Variants in PTPN23 observed in about 807,000 individuals in gnomAD.
PTPN23 encodes the protein tyrosine-protein phosphatase non-receptor type 23.
PTPN23 carries 72 observed loss-of-function variants against 156.3 expected under a neutral mutation model. The observed-to-expected ratio is 0.46, with a 90% CI of 0.38 to 0.56. The LOEUF is 0.56. PTPN23 is among the 20% of genes least tolerant of loss of function. PTPN23 has a pLI of 0.00. For synonymous variants in PTPN23, 957 were observed against 899.6 expected, an observed-to-expected ratio of 1.06 and a Z score of -1.14; for missense variants, 1,974 against 2,171.5, an observed-to-expected ratio of 0.91 and a Z score of 1.81.
chr3:47,381,141 G>A lies in PTPN23; in HGVS notation c.45G>A (p.Lys15=). 1 of 1,593,412 alleles carries A rather than the reference G, an allele frequency of 6.3e-7. No homozygotes were observed. ...PRMPMIWLDL[K]EAGDFHFQPA... Reference sequence around the variant, plus strand: ...TGCCCATGATCTGGCTGGACCTGAAGGAGGCCGGTGACTTTCACTTCCAGC... The same window carrying A: ...TGCCCATGATCTGGCTGGACCTGAAAGAGGCCGGTGACTTTCACTTCCAGC... The change falls in exon 1 of 25, where the codon AAG becomes AAA. Residue 15 remains lysine, a synonymous_variant. Transcript: ENST00000265562.
intron 1 of PTPN23, among the ~76,000 whole-genome samples, chr3:47,387,570 CAAAAA>C (rs10548678): frequency 3.0e-5 from 4 of 135,538 alleles, no homozygotes; most frequent in Non-Finnish European, 3.1e-5. Context: ...GACCCTGTCT[CAAAAA>C]AAAAAAAAAA....
chr3:47,409,263 C>T lies in PTPN23; in HGVS notation c.1743C>T (p.Ile581=). 1.9e-6 allele frequency: 3 copies of T among 1,614,140 alleles called. No individual in the cohort carries two copies. Among genetic ancestry groups the T allele is most frequent in the Non-Finnish European group, 2.5e-6 (3 of 1,180,044 alleles). ...VSLEQQLREL[I]QKDDITASLV... The stretch of plus-strand genomic sequence containing the variant: ...TGGAGCAGCAGCTGCGTGAGCTTAT[C>T]CAGAAAGATGACATCACTGCCTCGC... The change falls in exon 17 of 25, where the codon ATC becomes ATT. Residue 581 remains isoleucine, a synonymous_variant. Transcript: ENST00000265562.
At chr3:47,398,897 G>A (rs2107706023) in intron 2 of PTPN23, among the ~76,000 whole-genome samples, 1 of 152,338 alleles carries the variant, frequency 6.6e-6, no homozygotes, top group Middle Eastern at 3.4e-3. Flanking sequence ...GGTCTTTTCT[G>A]AGCCTGTACC....
chr3:47,406,002 G>A lies in PTPN23; in HGVS notation c.502G>A (p.Asp168Asn). ...GCACTTCCCTCAAGCCTACAGCGTC[G>A]ACATGAGCCGCCAGATCCTTACGCT... ...REHFPQAYSV[D>N]MSRQILTLNV... is the part of the protein sequence containing the mutation. The change falls in exon 6 of 25, where the codon GAC becomes AAC. Residue 168 changes from aspartate (D) to asparagine (N), a missense_variant. Asp to Asn is a conservative substitution (Grantham distance 23). This residue lies in a region of PTPN23 where 726 missense variants were observed against 929.5 expected (regional missense o/e 0.78). Transcript: ENST00000265562. The surrounding 1 kb of genome is among the most constrained non-coding windows in gnomAD (Gnocchi z 5.8). The A allele has an allele frequency of 1.2e-6, 2 of 1,613,622 alleles. No homozygotes were observed. The highest frequency in any genetic ancestry group is 1.7e-6 in the Non-Finnish European group (2 of 1,179,914).
rs143551775 is a variant in PTPN23, at chr3:47,413,105, G to A, written c.4831G>A (p.Gly1611Arg). 1.1e-5 allele frequency: 17 copies of A among 1,612,780 alleles called. No individual in the cohort carries two copies. Among genetic ancestry groups the A allele is most frequent in the African/African-American group, 1.3e-5 (1 of 74,936 alleles). ...GCATAACTTTCTGCAGGCCCATAAC[G>A]GGCAAGGGCTGCGGGCCACCCGGCC... ...SKHNFLQAHNGQGLRATRPSD... is the reference protein window; with the variant it reads ...SKHNFLQAHNRQGLRATRPSD... The change falls in exon 25 of 25, where the codon GGG (glycine) becomes AGG (arginine). Residue 1611 changes from glycine (G) to arginine (R), a missense_variant. Around this residue, in one of 4 missense-constraint regions of PTPN23, gnomAD observed 484 missense variants for 516.0 expected, o/e 0.94. Transcript: ENST00000265562.
Position 47,405,542 on chromosome 3 carries a change from C to T in PTPN23, c.365-207C>T, listed in dbSNP as rs891338590. 6.7e-6 allele frequency: 4 copies of T among 600,148 alleles called. No individual in the cohort carries two copies. Among genetic ancestry groups the T allele is most frequent in the Non-Finnish European group, 1.2e-5 (4 of 342,002 alleles). The allele number at this position is 600,148 out of a possible 1,614,324, so 37.2% of individuals were successfully genotyped here. ...CCCCTTGGACAGGAGCCCTTCCATC[C>T]TCTGCCAAATGCAGAGCAGGAGACT... On this transcript the variant is annotated intron_variant, in intron 4 of 24. Transcript: ENST00000265562. The surrounding 1 kb of genome is among the most constrained non-coding windows in gnomAD (Gnocchi z 4.7).
At position 47,404,657 on chromosome 3, in the gene PTPN23, T is replaced by A. The variant is rs765405144; in HGVS notation, c.165T>A (p.Ala55=). 70 of 1,613,688 alleles carry A rather than the reference T, an allele frequency of 4.3e-5. No individual in the cohort carries two copies. The highest frequency in any genetic ancestry group is 5.9e-5 in the Non-Finnish European group (70 of 1,179,768). ...TCTCCCATCCTGCCCCCCAGAATGC[T>A]GTCCGTGTCCCACGAGACTTTGAGG... ...LKKLELLRQN[A]VRVPRDFEGC... The change falls in exon 3 of 25, where the codon GCT becomes GCA. Residue 55 remains alanine, a synonymous_variant. Transcript: ENST00000265562.
At chr3:47,381,302 G>C in intron 1 of PTPN23, 122 bp downstream of exon 1, 1 of 1,369,126 alleles carries the variant, frequency 7.3e-7, no homozygotes, top group South Asian at 1.4e-5. Flanking sequence ...GTGAGGCCAG[G>C]AGGGGCCTTC....
intron 2 of PTPN23, among the ~76,000 whole-genome samples, chr3:47,403,200 C>T (rs183440700): frequency 6.6e-6 from 1 of 152,016 alleles, no homozygotes; most frequent in Non-Finnish European, 1.5e-5. Context: ...CTACAGGTGC[C>T]TGCCACCACG....
At chr3:47,412,066 C>A (rs1337006474) in intron 21 of PTPN23, 28 bp from the exon 22 acceptor site, 13 of 1,612,072 alleles carry the variant, frequency 8.1e-6, no homozygotes, top group Non-Finnish European at 1.0e-5. Context: ...GGCTCATAGG[C>A]TCTTCCTGGC....
chr3:47,409,508 T>C lies in PTPN23; in HGVS notation c.1889T>C (p.Leu630Pro). The C allele has an allele frequency of 6.2e-7, 1 of 1,614,098 alleles. No homozygotes were observed. Among genetic ancestry groups the C allele is most frequent in the Non-Finnish European group, 8.5e-7 (1 of 1,179,978 alleles). ...GCCCAGGACCGTGTCCTCTGTGCAC[T>C]GACAGAGGCCAACGTGCAGTACGCA... ...LAAQDRVLCA[L>P]TEANVQYAAV... The change falls in exon 18 of 25, where the codon CTG (leucine) becomes CCG (proline). Residue 630 changes from leucine (L) to proline (P), a missense_variant. Coordinates refer to ENST00000265562, the MANE Select transcript of PTPN23 (RefSeq NM_015466.4).
chr3:47,397,340 C>T (rs1704899988), intron 2 of PTPN23, among the ~76,000 whole-genome samples: 2 of 152,222 alleles, frequency 1.3e-5, no homozygotes, highest in Admixed American at 6.5e-5. Flanking sequence ...CACAAACCTT[C>T]AGTCTGTAAA....
At chr3:47,408,587 C>T (rs571553291) in intron 15 of PTPN23, 97 bp downstream of exon 15, 2 of 1,500,254 alleles carry the variant, frequency 1.3e-6, no homozygotes, top group African/African-American at 1.4e-5. Flanking sequence ...GAGGCTGCAC[C>T]CCTCTAGGCC....
rs1705345389 is a variant in PTPN23 at position 47,412,610 on chromosome 3, G to A, written c.4414G>A (p.Ala1472Thr). 1.2e-6 allele frequency: 2 copies of A among 1,613,352 alleles called. No individual in the cohort carries two copies. Among genetic ancestry groups the A allele is most frequent in the African/African-American group, 1.3e-5 (1 of 74,916 alleles). Residue 1472 changes from alanine to threonine, a missense_variant, in exon 24 of 25, where the codon GCA becomes ACA. Around this residue, in one of 4 missense-constraint regions of PTPN23, gnomAD observed 484 missense variants for 516.0 expected, o/e 0.94. Transcript: ENST00000265562. ...TCCTCCATGCAAACCCTTGGCCAGT[G>A]CAAGCATCAGCCAGAAGGTGAGGAA... Reference protein sequence around the residue: ...VPPPCKPLASASISQKNHLPQ... With the variant: ...VPPPCKPLASTSISQKNHLPQ...
Position 47,407,247 on chromosome 3 carries a change from G to A in PTPN23, c.864+61G>A. ...TAGGAGCAAGCCCGGTAGGACTGAGGGGGTGTCCTGGTGCCAGCCTTGGTT... is the reference window on the plus strand; with the variant it reads ...TAGGAGCAAGCCCGGTAGGACTGAGAGGGTGTCCTGGTGCCAGCCTTGGTT... On this transcript the variant is annotated intron_variant, in intron 10 of 24. Coordinates refer to ENST00000265562, the MANE Select transcript of PTPN23 (RefSeq NM_015466.4). This position sits in a 1 kb window ranked among gnomAD's most constrained non-coding sequence, Gnocchi z 4.0. 6.2e-7 allele frequency: 1 copy of A among 1,613,460 alleles called. No homozygotes were observed. Among genetic ancestry groups the A allele is most frequent in the Non-Finnish European group, 8.5e-7 (1 of 1,179,502 alleles).
In PTPN23 at chr3:47,406,450, C is replaced by T. The variant is rs764013650; in HGVS notation, c.628-31C>T. ...GAGGCCTTCACTTTACTGCTGACTC[C>T]CCCACTCATTGGGCCCCACCCTGTT... On this transcript the variant is annotated intron_variant, in intron 7 of 24. Transcript: ENST00000265562. This position sits in a 1 kb window ranked among gnomAD's most constrained non-coding sequence, Gnocchi z 5.8. 2.5e-6 allele frequency: 4 copies of T among 1,613,868 alleles called. No homozygotes were observed. Among genetic ancestry groups the T allele is most frequent in the Non-Finnish European group, 3.4e-6 (4 of 1,179,960 alleles).
rs1705110065 is a variant in PTPN23, at chr3:47,405,892, G to A, written c.415-23G>A. 15 of 1,611,710 alleles carry A rather than the reference G, an allele frequency of 9.3e-6. No individual in the cohort carries two copies. The East Asian group carries it at 3.1e-4, about 34-fold the overall frequency. ...ATCCTGACCCATGGAGTGGACACAG[G>A]CCATCCTCCCACTCCCTCCCAGGGC... is the stretch of plus-strand genomic sequence containing the variant. On this transcript the variant is annotated intron_variant, in intron 5 of 24. Coordinates refer to ENST00000265562, the MANE Select transcript of PTPN23 (RefSeq NM_015466.4). The surrounding 1 kb of genome is among the most constrained non-coding windows in gnomAD (Gnocchi z 4.7).
intron 1 of PTPN23, among the ~76,000 whole-genome samples, chr3:47,381,831 A>G (rs1022376400): frequency 5.9e-5 from 9 of 152,206 alleles, no homozygotes; most frequent in Non-Finnish European, 1.0e-4. Flanking sequence ...ACAGTGTTGT[A>G]GAGCTCAGAG....
Position 47,411,399 on chromosome 3 carries a change from G to A in PTPN23, c.3601G>A (p.Ala1201Thr), listed in dbSNP as rs777560060. Residue 1201 changes from alanine to threonine, a missense_variant, in exon 20 of 25, where the codon GCG becomes ACG. Physicochemically the swap from Ala to Thr is moderately conservative, Grantham distance 58. This residue lies in a region of PTPN23 where 731 missense variants were observed against 669.1 expected (regional missense o/e 1.09). Coordinates refer to ENST00000265562, the MANE Select transcript of PTPN23 (RefSeq NM_015466.4). This position sits in a 1 kb window ranked among gnomAD's most constrained non-coding sequence, Gnocchi z 6.3. Reference sequence around the variant, plus strand: ...CACTGTCTGGCGAGAGCTGCAAGATGCGCAGGAACATGATGCCCGAGGCCG... The same window carrying A: ...CACTGTCTGGCGAGAGCTGCAAGATACGCAGGAACATGATGCCCGAGGCCG... The part of the protein sequence containing the change: ...LDTVWRELQD[A>T]QEHDARGRSI... The A allele has an allele frequency of 6.2e-7, 1 of 1,613,068 alleles. No individual in the cohort carries two copies. Among genetic ancestry groups the A allele is most frequent in the East Asian group, 2.2e-5 (1 of 44,880 alleles).
Sources: gnomAD v4.1 joint callset for allele counts (sites outside exome capture counted in the v4.1 genomes callset) on GRCh38, gnomAD v4.1.1 for gene constraint, gnomAD v4.1.1 regional missense constraint, Gnocchi (gnomAD v3.1) non-coding constraint, MANE v1.5 for transcripts, NCBI Gene and HGNC (gene_info 2026-07-23, HGNC 2026-07-21) for gene names.